The following SOX6 variants were observed in gnomAD, a reference collection of about 807,000 sequenced individuals.
SOX6 encodes transcription factor SOX-6.
In SOX6, 11 loss-of-function variants were observed where a neutral mutation model predicts 97.8. The observed-to-expected ratio is 0.11, with a 90% confidence interval of 0.07 to 0.19. The LOEUF (loss-of-function observed/expected upper bound fraction) is 0.19. Among genes scored for constraint, SOX6 ranks in the 10% least tolerant of loss-of-function variants. The pLI, the probability that SOX6 is intolerant of heterozygous loss-of-function variation, is 1.00. For missense variants in SOX6, 810 were observed against 1,039.5 expected (o/e 0.78, Z 3.04); for synonymous variants, 360 against 371.4 (o/e 0.97, Z 0.35).
At chr11:16,288,909 A>G (rs1430917970) in intron 3 of SOX6, among the ~76,000 whole-genome samples, 1 of 151,948 alleles carries the variant, frequency 6.6e-6, no homozygotes, top group African/African-American at 2.4e-5. Flanking sequence ...TCCAGTATAC[A>G]ATTTTTCACA....
chr11:16,078,034 A>T (rs531329357), intron 9 of SOX6, among the ~76,000 whole-genome samples: 1 of 152,346 alleles, frequency 6.6e-6, no homozygotes, highest in East Asian at 1.9e-4. Flanking sequence ...GTTAACATAT[A>T]ATGCCTTATT....
chr11:16,410,139 T>C (rs1858773298), intron 1 of SOX6, among the ~76,000 whole-genome samples: 1 of 151,984 alleles, frequency 6.6e-6, no homozygotes, highest in African/African-American at 2.4e-5. Context: ...TGTATACATT[T>C]CACATGCATA....
chr11:16,251,794 C>A (rs1168909150), intron 3 of SOX6, among the ~76,000 whole-genome samples: 1 of 151,876 alleles, frequency 6.6e-6, no homozygotes, highest in Non-Finnish European at 1.5e-5. Context: ...ATCATAGATG[C>A]AAAAATTCTC....
chr11:15,998,141 T>G (rs943843576), intron 13 of SOX6, among the ~76,000 whole-genome samples: 38 of 151,158 alleles, frequency 2.5e-4, no homozygotes, highest in African/African-American at 9.0e-4. Context: ...ATACAAATTA[T>G]AAAGGAATAA....
intron 4 of SOX6, among the ~76,000 whole-genome samples, chr11:16,604,265 C>A (rs1001563398): frequency 1.3e-5 from 2 of 152,204 alleles, no homozygotes; most frequent in African/African-American, 2.4e-5. Flanking sequence ...TCCGTCCTGT[C>A]CCTCCTCGCC....
chr11:16,395,419 C>G (rs1215616724), intron 1 of SOX6, among the ~76,000 whole-genome samples: 1 of 151,726 alleles, frequency 6.6e-6, no homozygotes, highest in Non-Finnish European at 1.5e-5. Flanking sequence ...ATAGGAATCA[C>G]TCTGATGAAG....
intron 7 of SOX6, among the ~76,000 whole-genome samples, chr11:16,101,412 A>T (rs576058160): frequency 6.6e-6 from 1 of 151,702 alleles, no homozygotes; most frequent in Non-Finnish European, 1.5e-5. Context: ...CTCCTGCTAA[A>T]TTTCTCCCTT....
chr11:16,496,951 G>A (rs538060739), intron 4 of SOX6, among the ~76,000 whole-genome samples: 3 of 152,206 alleles, frequency 2.0e-5, no homozygotes, highest in Non-Finnish European at 4.4e-5. Context: ...GTCCCTGTCT[G>A]ACAGCTTTGA....
At chr11:16,494,526 A>G (rs1437492633) in intron 4 of SOX6, among the ~76,000 whole-genome samples, 1 of 152,186 alleles carries the variant, frequency 6.6e-6, no homozygotes, top group Non-Finnish European at 1.5e-5. Flanking sequence ...TTAAGGAAAA[A>G]CAAACAAAGA....
chr11:16,393,693 TCATC>T, intron 1 of SOX6, among the ~76,000 whole-genome samples: 1 of 152,172 alleles, frequency 6.6e-6, no homozygotes, highest in South Asian at 2.1e-4. Context: ...CCACTAAACT[TCATC>T]CAATAAACCT....
chr11:16,242,301 AC>A (rs1279748360), intron 3 of SOX6, among the ~76,000 whole-genome samples: 2 of 152,022 alleles, frequency 1.3e-5, no homozygotes, highest in African/African-American at 4.8e-5. Context: ...AACATGCTGC[AC>A]AGGTTTGTAG....
At chr11:16,641,734 C>G (rs1285543374) in intron 3 of SOX6, among the ~76,000 whole-genome samples, 13 of 152,122 alleles carry the variant, frequency 8.5e-5, no homozygotes, top group African/African-American at 1.4e-4. Flanking sequence ...GCAACCCCTG[C>G]CTTTTTTTGT....
intron 4 of SOX6, among the ~76,000 whole-genome samples, chr11:16,228,287 A>G (rs1852743683): frequency 2.0e-5 from 3 of 152,096 alleles, no homozygotes; most frequent in South Asian, 2.1e-4. Flanking sequence ...TTTATTCTGT[A>G]TTTCATTTAA....
chr11:15,979,151 C>T lies in SOX6; in HGVS notation c.2184-6039G>A, dbSNP rs77365267. ...AAGTCCTGATCATTCTCCCACATAC[C>T]TGCCCCTCTCATGGCCATCCTGTTC... On this transcript the variant is annotated intron_variant, in intron 15 of 15. Coordinates refer to ENST00000683767, the MANE Select transcript of SOX6 (RefSeq NM_001367873.1). 4.3e-3 allele frequency among the ~76,000 whole-genome samples: 636 copies of T among 149,604 alleles called. 3 individuals are homozygous for T. Among genetic ancestry groups the T allele is most frequent in the African/African-American group, 0.015 (599 of 40,688 alleles).
chr11:16,476,422 A>T (rs1458293275), upstream of SOX6: 6 of 152,422 alleles, frequency 3.9e-5, no homozygotes, highest in African/African-American at 1.4e-4. Context: ...ATAAAAAAGG[A>T]TAAGTAAATT....
chr11:16,520,915 G>C (rs577556753), intron 4 of SOX6, among the ~76,000 whole-genome samples: 1 of 152,202 alleles, frequency 6.6e-6, no homozygotes, highest in Non-Finnish European at 1.5e-5. Flanking sequence ...AGGTGGCAGC[G>C]AGGCTGGGGG....
chr11:16,212,553 G>A (rs183489496), intron 4 of SOX6, among the ~76,000 whole-genome samples: 179 of 152,066 alleles, frequency 1.2e-3, no homozygotes, highest in Non-Finnish European at 2.0e-3. Flanking sequence ...ATGCTATAAT[G>A]AACATTCTTG....
intron 15 of SOX6, among the ~76,000 whole-genome samples, chr11:15,985,668 A>C (rs1160205782): frequency 1.3e-5 from 2 of 152,220 alleles, no homozygotes; most frequent in African/African-American, 4.8e-5. Context: ...TTCTGATTTA[A>C]GCAAGAAAAT....
chr11:16,352,033 G>T (rs551821907), intron 1 of SOX6, among the ~76,000 whole-genome samples: 2 of 151,778 alleles, frequency 1.3e-5, no homozygotes, highest in Non-Finnish European at 2.9e-5. Flanking sequence ...TAAATTTAGG[G>T]TGTTATCTTC....
Sources: allele counts gnomAD v4.1 joint callset (sites outside exome capture counted in the v4.1 genomes callset), GRCh38; gene constraint gnomAD v4.1.1; transcripts MANE v1.5; gene names NCBI Gene and HGNC (gene_info 2026-07-23, HGNC 2026-07-21).